EPHA5: variants seen among roughly 807,000 people sequenced by gnomAD.
The protein encoded by EPHA5 is EPH receptor A5.
EPHA5 carries 60 observed loss-of-function variants against 105.0 expected under a neutral mutation model. That is an observed-to-expected ratio of 0.57 (90% confidence interval 0.46 to 0.71). The LOEUF (loss-of-function observed/expected upper bound fraction) is 0.71, where lower values mean the gene tolerates loss of function less well. Ranked by LOEUF, EPHA5 falls within the 30% of genes least tolerant of loss-of-function variation. The pLI is 0.00. For synonymous variants in EPHA5, 513 were observed against 449.1 expected (o/e 1.14, Z -1.80); for missense variants, 1,218 against 1,274.7 (o/e 0.96, Z 0.68).
In EPHA5 at chr4:65,399,004, C is replaced by T. The variant is rs184875968; in HGVS notation, c.1793+5370G>A. Among the ~76,000 whole-genome samples, 8 of 152,282 alleles carry T rather than the reference C, an allele frequency of 5.3e-5. No homozygotes were observed. In the East Asian group the frequency reaches 7.7e-4, roughly 15 times the overall value. On this transcript the variant is annotated intron_variant, in intron 8 of 16. Coordinates refer to ENST00000613740, the MANE Select transcript of EPHA5 (RefSeq NM_001281766.3). ...AGCTGTAACAAACAGGGCTAAAACACGCCTCTCAACTACACTCACCATATT... is the reference window on the plus strand; with the variant it reads ...AGCTGTAACAAACAGGGCTAAAACATGCCTCTCAACTACACTCACCATATT...
At chr4:65,332,369 T>C (rs1458910620) in intron 15 of EPHA5, among the ~76,000 whole-genome samples, 15 of 151,834 alleles carry the variant, frequency 9.9e-5, no homozygotes, top group Admixed American at 9.9e-4. Context: ...TACTAATAAG[T>C]AAATTTTATG....
intron 8 of EPHA5, among the ~76,000 whole-genome samples, chr4:65,375,442 A>C (rs1037516064): frequency 6.6e-6 from 1 of 151,758 alleles, no homozygotes; most frequent in Non-Finnish European, 1.5e-5. Flanking sequence ...CTGCCCTTCT[A>C]TTTTCCTTCT....
At chr4:65,517,294 T>C (rs1369525073) in intron 3 of EPHA5, among the ~76,000 whole-genome samples, 2 of 151,882 alleles carry the variant, frequency 1.3e-5, no homozygotes, top group African/African-American at 4.8e-5. Context: ...AGCCTTCTTA[T>C]GCTTGCTTCC....
Position 65,488,243 on chromosome 4 carries a change from C to T in EPHA5, c.1402+2134G>A, listed in dbSNP as rs151070758. On this transcript the variant is annotated intron_variant, in intron 5 of 16. Coordinates refer to ENST00000613740, the MANE Select transcript of EPHA5 (RefSeq NM_001281766.3). The stretch of plus-strand genomic sequence containing the variant: ...AACTATAGCAAATATTTGTTGAATA[C>T]ATCATTAAAAAATAAACAGTTATTT... Among the ~76,000 whole-genome samples, 692 of 152,128 alleles carry T rather than the reference C, an allele frequency of 4.5e-3. 7 individuals carry two copies. The highest frequency in any genetic ancestry group is 0.016 in the African/African-American group (672 of 41,506).
At chr4:65,529,371 G>A (rs910044271) in intron 3 of EPHA5, among the ~76,000 whole-genome samples, 1 of 151,816 alleles carries the variant, frequency 6.6e-6, no homozygotes, top group African/African-American at 2.4e-5. Flanking sequence ...TTTCCTTTGA[G>A]TCTCATAAAC....
intron 2 of EPHA5, 24 bp from the exon 3 acceptor site, chr4:65,602,328 T>TA (rs5858973): frequency 5.5e-6 from 8 of 1,465,174 alleles, no homozygotes; most frequent in African/African-American, 2.8e-5. Context: ...AATAGAAAGA[T>TA]AAAAAAAATT....
chr4:65,630,646 A>T (rs1746545843), intron 2 of EPHA5, among the ~76,000 whole-genome samples: 1 of 152,102 alleles, frequency 6.6e-6, no homozygotes, highest in African/African-American at 2.4e-5. Flanking sequence ...CTCCTGCTCT[A>T]ACACTTGCCT....
At chr4:65,553,609 G>T (rs1430500940) in intron 3 of EPHA5, among the ~76,000 whole-genome samples, 1 of 151,960 alleles carries the variant, frequency 6.6e-6, no homozygotes, top group Non-Finnish European at 1.5e-5. Context: ...AAAAGAATAA[G>T]CAGAAATTCA....
In EPHA5 at chr4:65,474,474, G is replaced by T. The variant is rs558223541; in HGVS notation, c.1402+15903C>A. 2.0e-5 allele frequency among the ~76,000 whole-genome samples: 3 copies of T among 152,244 alleles called. No individual in the cohort carries two copies. In the East Asian group the frequency reaches 5.8e-4, roughly 29 times the overall value. On this transcript the variant is annotated intron_variant, in intron 5 of 16. Transcript: ENST00000613740. ...TTACTGAGTTATAATGTAAGCATCA[G>T]TTTGCAGAACAGGTCATATCCTCAG...
intron 5 of EPHA5, among the ~76,000 whole-genome samples, chr4:65,428,721 G>A (rs1292842922): frequency 2.0e-5 from 3 of 151,994 alleles, no homozygotes; most frequent in South Asian, 4.1e-4. Context: ...TTAAAAATTA[G>A]TTGCTTCCAG....
At chr4:65,331,761 T>C in intron 16 of EPHA5, 1 of 1,234,150 alleles carries the variant, frequency 8.1e-7, no homozygotes, top group Non-Finnish European at 1.0e-6. Flanking sequence ...ATGCCAATGT[T>C]ATTTGTTTGA....
intron 11 of EPHA5, among the ~76,000 whole-genome samples, chr4:65,360,716 C>T (rs1033394174): frequency 1.3e-5 from 2 of 151,368 alleles, no homozygotes; most frequent in African/African-American, 4.8e-5. Context: ...CTTAAAAGCC[C>T]ATGGTTTTAT....
At chr4:65,341,887 G>A (rs1270367285) in intron 14 of EPHA5, among the ~76,000 whole-genome samples, 1 of 152,038 alleles carries the variant, frequency 6.6e-6, no homozygotes, top group East Asian at 1.9e-4. Context: ...TAGAGTTTAT[G>A]AATATATTTC....
chr4:65,406,386 T>C (rs527750322), intron 7 of EPHA5, among the ~76,000 whole-genome samples: 155 of 152,290 alleles, frequency 1.0e-3, no homozygotes, highest in African/African-American at 3.5e-3. Flanking sequence ...GGCGTTTGAC[T>C]TAGCTAAACG....
intron 3 of EPHA5, among the ~76,000 whole-genome samples, chr4:65,583,444 T>C (rs573310885): frequency 4.0e-4 from 61 of 151,966 alleles, no homozygotes; most frequent in Admixed American, 1.5e-3. Context: ...GGAATGGCAT[T>C]TTCTGAATAT....
intron 4 of EPHA5, among the ~76,000 whole-genome samples, chr4:65,490,971 T>C (rs1731346602): frequency 6.6e-6 from 1 of 152,158 alleles, no homozygotes. Flanking sequence ...TAAACAATTA[T>C]GGAGTAAAAC....
At chr4:65,372,952 A>G (rs1429012738) in intron 8 of EPHA5, among the ~76,000 whole-genome samples, 1 of 151,948 alleles carries the variant, frequency 6.6e-6, no homozygotes, top group Non-Finnish European at 1.5e-5. Flanking sequence ...AAAATATGCA[A>G]AGATAAATTA....
chr4:65,441,698 G>A (rs1026689351), intron 5 of EPHA5, among the ~76,000 whole-genome samples: 1 of 151,918 alleles, frequency 6.6e-6, no homozygotes, highest in Admixed American at 6.6e-5. Context: ...CTGTTTAAAA[G>A]AACTACTGAC....
At chr4:65,656,769 C>G (rs1000606548) in intron 1 of EPHA5, among the ~76,000 whole-genome samples, 1 of 151,022 alleles carries the variant, frequency 6.6e-6, no homozygotes, top group African/African-American at 2.4e-5. Context: ...TGCACGCCAC[C>G]ATGTCCGGCT....
Sources: allele counts gnomAD v4.1 joint callset (sites outside exome capture counted in the v4.1 genomes callset), GRCh38; gene constraint gnomAD v4.1.1; transcripts MANE v1.5; gene names NCBI Gene and HGNC (gene_info 2026-07-23, HGNC 2026-07-21).